The following RGS7 variants were observed in gnomAD, a reference collection of about 807,000 sequenced individuals.
The protein encoded by RGS7 is regulator of G protein signaling 7.
In RGS7, 27 loss-of-function variants were observed where a neutral mutation model predicts 81.1. The observed-to-expected ratio is 0.33, with a 90% CI of 0.25 to 0.46. RGS7 has a LOEUF of 0.46. Ranked by LOEUF, RGS7 falls within the 20% of genes least tolerant of loss-of-function variation. The pLI is 1.00. For synonymous variants in RGS7, 208 were observed against 207.7 expected (o/e 1.00, Z -0.01); for missense variants, 396 against 607.4 (o/e 0.65, Z 3.66).
intron 2 of RGS7, among the ~76,000 whole-genome samples, chr1:241,130,942 A>C (rs927595394): frequency 6.6e-6 from 1 of 151,984 alleles, no homozygotes; most frequent in Non-Finnish European, 1.5e-5. Context: ...AAAAAAAAAA[A>C]AAACCAAGAG....
At chr1:241,153,481 T>C (rs943627645) in intron 2 of RGS7, among the ~76,000 whole-genome samples, 7 of 149,082 alleles carry the variant, frequency 4.7e-5, no homozygotes, top group African/African-American at 1.7e-4. Flanking sequence ...AAAAAAGTGG[T>C]TAGATTTACA....
chr1:240,891,980 G>C (rs961729252), intron 6 of RGS7, among the ~76,000 whole-genome samples: 1 of 152,212 alleles, frequency 6.6e-6, no homozygotes, highest in African/African-American at 2.4e-5. Flanking sequence ...AGGGCAAGAA[G>C]TTCTGAGAAG....
Position 240,827,934 on chromosome 1 carries a change from C to T in RGS7, c.610-762G>A, listed in dbSNP as rs1055619062. On this transcript the variant is annotated intron_variant, in intron 9 of 18. Coordinates refer to ENST00000440928, the MANE Select transcript of RGS7 (RefSeq NM_001364886.1). ...GCCTTGCTTTTCCCAGGCTGGAAGA[C>T]TAAAATGGCATTTAGTTGAGCCAGC... Among the ~76,000 whole-genome samples the T allele has an allele frequency of 5.4e-5, 8 of 147,398 alleles. 2 individuals carry two copies. Among genetic ancestry groups the T allele is most frequent in the Admixed American group, 5.4e-4 (8 of 14,746 alleles).
rs1325420845 is a variant in RGS7, at chr1:241,137,465, TAA to T, written c.79-38705_79-38704del. ...TGTTGTTTTAGGGAATATAAATATG[TAA>T]GCGCTTACTTGTGGTGTTTTATGAC... On this transcript the variant is annotated intron_variant, in intron 2 of 18. Transcript: ENST00000440928. 3.3e-5 allele frequency among the ~76,000 whole-genome samples: 5 copies of T among 152,232 alleles called. 1 individual carries two copies. The highest frequency in any genetic ancestry group is 2.6e-4 in the Admixed American group (4 of 15,284).
chr1:240,790,673 C>T (rs1003263848), intron 18 of RGS7, among the ~76,000 whole-genome samples: 5 of 152,270 alleles, frequency 3.3e-5, no homozygotes, highest in Admixed American at 6.5e-5. Flanking sequence ...CTGCTGTCTA[C>T]GGGTACCACA....
Position 240,936,725 on chromosome 1 carries a change from C to T in RGS7, c.227-19G>A, listed in dbSNP as rs757503497. On this transcript the variant is annotated intron_variant, in intron 4 of 18. Coordinates refer to ENST00000440928, the MANE Select transcript of RGS7 (RefSeq NM_001364886.1). ...GCCTCCACTGTTTTATGAAAACAAA[C>T]AAAGAACATAAAAAAGCCTTTTAAA... is the stretch of plus-strand genomic sequence containing the variant. 1.0e-5 allele frequency: 16 copies of T among 1,576,432 alleles called. No individual in the cohort carries two copies. In the South Asian group the frequency reaches 1.8e-4, roughly 17 times the overall value.
In RGS7 at chr1:241,142,055, TC is replaced by T. The variant is rs767873320; in HGVS notation, c.79-43294del. 2.4e-3 allele frequency among the ~76,000 whole-genome samples: 366 copies of T among 152,288 alleles called. 1 individual carries two copies. Among genetic ancestry groups the T allele is most frequent in the Non-Finnish European group, 3.8e-3 (261 of 68,026 alleles). Reference sequence around the variant, plus strand: ...CAGCAGGGCAGTCAAATCTTAAAGCTCCAAAATGATCTCCTTTGACTCCATG... The same window carrying T: ...CAGCAGGGCAGTCAAATCTTAAAGCTCAAAATGATCTCCTTTGACTCCATG... On this transcript the variant is annotated intron_variant, in intron 2 of 18. Transcript: ENST00000440928.
At chr1:240,847,864 C>T (rs964560937) in intron 9 of RGS7, among the ~76,000 whole-genome samples, 12 of 152,176 alleles carry the variant, frequency 7.9e-5, no homozygotes, top group East Asian at 5.8e-4. Context: ...GAAAATAACA[C>T]GACATGACCA....
At chr1:241,184,725 A>G (rs1251172526) in intron 2 of RGS7, among the ~76,000 whole-genome samples, 3 of 152,188 alleles carry the variant, frequency 2.0e-5, no homozygotes, top group Admixed American at 2.0e-4. Context: ...CCATCCCCCA[A>G]GAAATCTCAT....
Position 240,868,103 on chromosome 1 carries a change from GAAAGA to G in RGS7, c.609+479_609+483del, listed in dbSNP as rs1219574487. On this transcript the variant is annotated intron_variant, in intron 9 of 18. Transcript: ENST00000440928. This position sits in a 1 kb window ranked among gnomAD's most constrained non-coding sequence, Gnocchi z 5.1. ...GAAAGAAAAAGAAAGAAAAGAAAAA[GAAAGA>G]AAAGAAAAGGAAAGAAAGAAAGAAA... Among the ~76,000 whole-genome samples the G allele has an allele frequency of 6.8e-5, 9 of 131,444 alleles. No homozygotes were observed. The highest frequency in any genetic ancestry group is 1.1e-4 in the Non-Finnish European group (7 of 61,574). 86.2% of individuals were successfully genotyped at this position (131,444 alleles called of 152,430 possible).
In RGS7 at chr1:240,906,204, G is replaced by A. The variant is rs149901811; in HGVS notation, c.385+24513C>T. On this transcript the variant is annotated intron_variant, in intron 6 of 18. Coordinates refer to ENST00000440928, the MANE Select transcript of RGS7 (RefSeq NM_001364886.1). ...TCACTCTGGAAAGAGGTGGTGAAAC[G>A]ATTCTCTTTGATGACTCCTCCTGTG... Among the ~76,000 whole-genome samples, 883 of 152,148 alleles carry A rather than the reference G, an allele frequency of 5.8e-3. 11 individuals are homozygous for A. The highest frequency in any genetic ancestry group is 0.02 in the African/African-American group (819 of 41,520).
intron 5 of RGS7, among the ~76,000 whole-genome samples, chr1:240,933,646 T>A (rs1026407242): frequency 6.6e-6 from 1 of 151,964 alleles, no homozygotes; most frequent in African/African-American, 2.4e-5. Context: ...TTTTAATGCA[T>A]GAGTTTCTTG....
chr1:241,314,551 T>C (rs2080750823), intron 2 of RGS7, among the ~76,000 whole-genome samples: 1 of 152,252 alleles, frequency 6.6e-6, no homozygotes, highest in African/African-American at 2.4e-5. Context: ...CGCTTTATTG[T>C]CATATTCATT....
At chr1:241,265,880 C>T (rs1239817049) in intron 2 of RGS7, among the ~76,000 whole-genome samples, 1 of 151,254 alleles carries the variant, frequency 6.6e-6, no homozygotes, top group Non-Finnish European at 1.5e-5. Context: ...ACGCAACCTC[C>T]GCCTCCCGGG....
rs187196213 is a variant in RGS7, at chr1:241,244,097, A to T, written c.78+111602T>A. Among the ~76,000 whole-genome samples the T allele has an allele frequency of 8.8e-4, 134 of 152,318 alleles. 1 individual carries two copies. The highest frequency in any genetic ancestry group is 2.9e-3 in the African/African-American group (121 of 41,566). Reference sequence around the variant, plus strand: ...AACTTAAACTGACCTATCCAGGTACATATTATTATTTTCTTAGAAAATGTG... The same window carrying T: ...AACTTAAACTGACCTATCCAGGTACTTATTATTATTTTCTTAGAAAATGTG... On this transcript the variant is annotated intron_variant, in intron 2 of 18. Transcript: ENST00000440928.
chr1:241,113,258 G>T (rs1005722233), intron 2 of RGS7, among the ~76,000 whole-genome samples: 5 of 152,064 alleles, frequency 3.3e-5, no homozygotes, highest in Non-Finnish European at 7.4e-5. Flanking sequence ...AAATAAAAAG[G>T]TACCTCACTT....
chr1:241,092,860 AG>A (rs2063980257), intron 3 of RGS7, among the ~76,000 whole-genome samples: 1 of 132,850 alleles, frequency 7.5e-6, no homozygotes, highest in African/African-American at 3.4e-5. Context: ...AATAAAAGAT[AG>A]AAAAAAAAAA....
intron 3 of RGS7, among the ~76,000 whole-genome samples, chr1:241,082,236 T>C (rs1650164744): frequency 6.6e-6 from 1 of 152,182 alleles, no homozygotes; most frequent in South Asian, 2.1e-4. Flanking sequence ...AGGTTTTATT[T>C]TCCCAATCCA....
chr1:240,918,238 C>T (rs1319565341), intron 6 of RGS7, among the ~76,000 whole-genome samples: 2 of 151,870 alleles, frequency 1.3e-5, no homozygotes, highest in African/African-American at 2.4e-5. Flanking sequence ...CTAAGCAGCA[C>T]CATCAATCAG....
Sources: gnomAD v4.1 joint callset for allele counts (sites outside exome capture counted in the v4.1 genomes callset) on GRCh38, gnomAD v4.1.1 for gene constraint, Gnocchi (gnomAD v3.1) non-coding constraint, MANE v1.5 for transcripts, NCBI Gene and HGNC (gene_info 2026-07-23, HGNC 2026-07-21) for gene names.